Variants in VSIG10L observed in about 807,000 individuals in gnomAD.
VSIG10L encodes the protein V-set and immunoglobulin domain-containing protein 10-like.
In VSIG10L, 63 loss-of-function variants were observed where a neutral mutation model predicts 67.3. The ratio of observed to expected loss-of-function variants is 0.94; its 90% confidence interval spans 0.76 to 1.15. The LOEUF (loss-of-function observed/expected upper bound fraction) is 1.15. VSIG10L is among the 50% of genes most tolerant of loss of function. VSIG10L has a pLI of 0.00. For missense variants in VSIG10L, 1,050 were observed against 1,177.5 expected (o/e 0.89, Z 1.58); for synonymous variants, 499 against 524.9 (o/e 0.95, Z 0.67).
rs11402251 is a variant in VSIG10L at position 51,332,638 on chromosome 19, T to TG, written c.2576dup (p.Gln860ThrfsTer23). 1,551,477 of 1,551,478 alleles carry TG rather than the reference T, an allele frequency of 1. 775,738 individuals carry two copies. The highest frequency in any genetic ancestry group is 1 in the Middle Eastern group (5,990 of 5,990). ...ACAGAGACAACTGAACTGGGGTCTG[T>TG]GCCTGGAAGAGAGAGGTGGGGTGAG... On this transcript the variant is annotated frameshift_variant and splice_region_variant, in exon 10 of 10. Coordinates refer to ENST00000335624, the MANE Select transcript of VSIG10L (RefSeq NM_001163922.3). LOFTEE classifies it low-confidence loss of function (END_TRUNC).
At chr19:51,337,788 C>T in intron 6 of VSIG10L, 142 bp downstream of exon 6, 3 of 1,159,836 alleles carry the variant, frequency 2.6e-6, no homozygotes, top group Non-Finnish European at 3.5e-6. Context: ...GAGGCCTGGA[C>T]TCCAGGGTCT....
chr19:51,333,183 C>T (rs1985397512), intron 9 of VSIG10L, among the ~76,000 whole-genome samples: 2 of 151,642 alleles, frequency 1.3e-5, no homozygotes, highest in Non-Finnish European at 2.9e-5. Context: ...AATGAGGTAA[C>T]TGTACCCCAC....
Position 51,341,463 on chromosome 19 carries a change from C to A in VSIG10L, c.585G>T (p.Val195=). The A allele has an allele frequency of 6.5e-7, 1 of 1,544,862 alleles. No individual in the cohort carries two copies. The change falls in exon 2 of 10, where the codon GTG becomes GTT. Residue 195 remains valine (V), a synonymous_variant. Transcript: ENST00000335624. ...CCACCAGCACAGCGAGTGGGCCCCC[C>A]ACCTGCTGGGGAAAGCTTGCAGCTG... ...THSAASFPQQ[V]GGPLAVLVGT...
rs1226167961 is a variant in VSIG10L, at chr19:51,338,034, C to T, written c.1904G>A (p.Arg635Gln). The T allele has an allele frequency of 1.2e-5, 18 of 1,551,554 alleles. No individual in the cohort carries two copies. Among genetic ancestry groups the T allele is most frequent in the African/African-American group, 1.4e-5 (1 of 73,024 alleles). The change falls in exon 6 of 10, where the codon CGG (arginine) becomes CAG (glutamine). Residue 635 changes from arginine (R) to glutamine (Q), a missense_variant. Physicochemically the swap from Arg to Gln is conservative, Grantham distance 43. Around this residue, in one of 3 missense-constraint regions of VSIG10L, gnomAD observed 529 missense variants for 584.9 expected, o/e 0.90. Transcript: ENST00000335624. ...GSRLRLSQDG[R>Q]KLHIGNFSLD... ...GCTGAAGTTGCCGATGTGGAGTTTCCGCCCATCTTGACTGAGCCGCAGGCG... is the reference window on the plus strand; with the variant it reads ...GCTGAAGTTGCCGATGTGGAGTTTCTGCCCATCTTGACTGAGCCGCAGGCG...
Position 51,337,264 on chromosome 19 carries a change from G to A in VSIG10L, c.2279C>T (p.Pro760Leu). Residue 760 changes from proline to leucine, a missense_variant, in exon 7 of 10, where the codon CCA (proline) becomes CTA (leucine). Physicochemically the swap from Pro to Leu is moderately conservative, Grantham distance 98. Around this residue, in one of 3 missense-constraint regions of VSIG10L, gnomAD observed 529 missense variants for 584.9 expected, o/e 0.90. Transcript: ENST00000335624. ...GGCCCGGTAGACCCGGCTTTGTGAT[G>A]GAGTCCCTGGCTGGCCCCCCAGGAT... ...LPILGGQPGT[P>L]SQSRVYRAGP... is the part of the protein sequence containing the mutation. 1.3e-6 allele frequency: 2 copies of A among 1,549,844 alleles called. No individual in the cohort carries two copies. The highest frequency in any genetic ancestry group is 1.4e-5 in the African/African-American group (1 of 73,104).
intron 8 of VSIG10L, 38 bp downstream of exon 8, chr19:51,334,153 T>G: frequency 6.5e-7 from 1 of 1,546,054 alleles, no homozygotes; most frequent in African/African-American, 1.4e-5. Context: ...TCCCTCCCCG[T>G]TGGTCATGGT....
rs1012103282 is a variant in VSIG10L, at chr19:51,340,578, C to T, written c.1044G>A (p.Ser348=). ...RDGRALEAAE[S]EGAETPRMRS... ...GCATCCGGGGCGTCTCGGCTCCCTCCGATTCCGCCGCCTCCAGGGCGCGTC... is the reference window on the plus strand; with the variant it reads ...GCATCCGGGGCGTCTCGGCTCCCTCTGATTCCGCCGCCTCCAGGGCGCGTC... The change falls in exon 3 of 10, where the codon TCG becomes TCA. Residue 348 remains serine (S), a synonymous_variant. Transcript: ENST00000335624. This position sits in a 1 kb window ranked among gnomAD's most constrained non-coding sequence, Gnocchi z 6.3. 13 of 1,535,350 alleles carry T rather than the reference C, an allele frequency of 8.5e-6. No homozygotes were observed. Among genetic ancestry groups the T allele is most frequent in the Non-Finnish European group, 1.1e-5 (13 of 1,146,226 alleles).
chr19:51,336,059 G>C (rs1985471420), intron 7 of VSIG10L, among the ~76,000 whole-genome samples: 1 of 152,228 alleles, frequency 6.6e-6, no homozygotes, highest in South Asian at 2.1e-4. Context: ...ACTTTGGGGA[G>C]TGAGGACTAA....
At chr19:51,339,727 G>A (rs921970596) in intron 4 of VSIG10L, 1 of 306,292 alleles carries the variant, frequency 3.3e-6, no homozygotes, top group Non-Finnish European at 6.0e-6. Context: ...CCCTCTCAGT[G>A]CTGGGCCGGC....
chr19:51,339,192 C>T (rs1191316846), intron 4 of VSIG10L, 50 bp from the exon 5 acceptor site: 10 of 1,264,848 alleles, frequency 7.9e-6, no homozygotes, highest in Non-Finnish European at 1.0e-5. Context: ...CTCATTTCTT[C>T]TCCAGCCCCG....
Position 51,337,981 on chromosome 19 carries a change from C to T in VSIG10L, c.1957G>A (p.Val653Met), listed in dbSNP as rs1039386421. The change falls in exon 6 of 10, where the codon GTG (valine) becomes ATG (methionine). Residue 653 changes from valine (V) to methionine (M), a missense_variant. Val to Met is a conservative substitution (Grantham distance 21, BLOSUM62 1). This residue lies in a region of VSIG10L where 529 missense variants were observed against 584.9 expected (regional missense o/e 0.90). Transcript: ENST00000335624. The part of the protein sequence containing the change: ...SLDWDLGNYS[V>M]LCSGALGAGG... The stretch of plus-strand genomic sequence containing the variant: ...GCACCCAGCGCCCCACTGCACAGCA[C>T]GGAGTAATTTCCCAGGTCCCAATCC... 22 of 1,551,652 alleles carry T rather than the reference C, an allele frequency of 1.4e-5. No individual in the cohort carries two copies. Among genetic ancestry groups the T allele is most frequent in the Non-Finnish European group, 1.9e-5 (22 of 1,146,958 alleles).
At chr19:51,334,965 A>T (rs1985447662) in intron 7 of VSIG10L, among the ~76,000 whole-genome samples, 1 of 152,162 alleles carries the variant, frequency 6.6e-6, no homozygotes. Flanking sequence ...CAAACAAAAA[A>T]CAAAAAAGGA....
At position 51,342,072 on chromosome 19, in the gene VSIG10L, G is replaced by A. The variant is rs954327303; in HGVS notation, c.40+13C>T. ...GGGAGACTGACAGGGAAGGGACTGA[G>A]CAGGGAACTTACCCAGGAGTAGGAA... On this transcript the variant is annotated intron_variant, in intron 1 of 9. Coordinates refer to ENST00000335624, the MANE Select transcript of VSIG10L (RefSeq NM_001163922.3). The surrounding 1 kb of genome is among the most constrained non-coding windows in gnomAD (Gnocchi z 4.4). The A allele has an allele frequency of 6.4e-6, 10 of 1,551,666 alleles. No homozygotes were observed. In the Admixed American group the frequency reaches 1.8e-4, roughly 27 times the overall value.
At chr19:51,339,566 T>G in intron 4 of VSIG10L, 3 of 210,326 alleles carry the variant, frequency 1.4e-5, no homozygotes, top group Non-Finnish European at 2.8e-5. Context: ...CCTCGCCCCT[T>G]TCCCTGGTGA....
At chr19:51,332,674 A>T (rs1985387135) in intron 9 of VSIG10L, 34 bp from the exon 10 acceptor site, 2 of 1,540,542 alleles carry the variant, frequency 1.3e-6, no homozygotes, top group Non-Finnish European at 1.8e-6. Context: ...GGGAGAACTC[A>T]GTAGGTACTC....
At position 51,338,201 on chromosome 19, in the gene VSIG10L, G is replaced by T; in HGVS notation, c.1737C>A (p.Pro579=). The change falls in exon 6 of 10, where the codon CCC becomes CCA. Residue 579 remains proline, a synonymous_variant. Coordinates refer to ENST00000335624, the MANE Select transcript of VSIG10L (RefSeq NM_001163922.3). ...CCAGCGGATGCAGCAGCACCTCTCGGGGGGCCTCTGCCGGTGGGAGAAGTC... is the reference window on the plus strand; with the variant it reads ...CCAGCGGATGCAGCAGCACCTCTCGTGGGGCCTCTGCCGGTGGGAGAAGTC... ...TRTCTVTPEA[P]REVLLHPLVA... 6.8e-7 allele frequency: 1 copy of T among 1,468,882 alleles called. No homozygotes were observed. 91.0% of individuals were successfully genotyped at this position (1,468,882 alleles called of 1,614,324 possible). A position where few individuals can be genotyped will look rare whatever the true frequency, so the allele number is the denominator to read the frequency against.
At chr19:51,337,786 G>A in intron 6 of VSIG10L, 144 bp downstream of exon 6, 1 of 1,136,172 alleles carries the variant, frequency 8.8e-7, no homozygotes. Context: ...CTGAGGCCTG[G>A]ACTCCAGGGT....
chr19:51,340,303 G>A lies in VSIG10L; in HGVS notation c.1190-4C>T. On this transcript the variant is annotated splice_region_variant and splice_polypyrimidine_tract_variant and intron_variant, in intron 3 of 9. Coordinates refer to ENST00000335624, the MANE Select transcript of VSIG10L (RefSeq NM_001163922.3). This position sits in a 1 kb window ranked among gnomAD's most constrained non-coding sequence, Gnocchi z 6.3. ...ATGGTCGGCGGGTCCGGGCCGTCTGGAGGGAGGAGGGGTCGGGACCGCGAG... is the reference window on the plus strand; with the variant it reads ...ATGGTCGGCGGGTCCGGGCCGTCTGAAGGGAGGAGGGGTCGGGACCGCGAG... 1 of 1,513,710 alleles carries A rather than the reference G, an allele frequency of 6.6e-7. No individual in the cohort carries two copies. Among genetic ancestry groups the A allele is most frequent in the Non-Finnish European group, 8.8e-7 (1 of 1,136,656 alleles). The allele number at this position is 1,513,710 out of a possible 1,614,324, so 93.8% of individuals were successfully genotyped here. A position where few individuals can be genotyped will look rare whatever the true frequency, so the allele number is the denominator to read the frequency against.
intron 5 of VSIG10L, among the ~76,000 whole-genome samples, chr19:51,338,535 C>G (rs1452526368): frequency 6.6e-6 from 1 of 152,062 alleles, no homozygotes; most frequent in African/African-American, 2.4e-5. Context: ...GCCACACTGC[C>G]CAGGCTGGTC....
Sources: allele counts gnomAD v4.1 joint callset (sites outside exome capture counted in the v4.1 genomes callset), GRCh38; gene constraint gnomAD v4.1.1; regional missense constraint gnomAD v4.1.1; non-coding constraint Gnocchi (gnomAD v3.1); transcripts MANE v1.5; gene names NCBI Gene and HGNC (gene_info 2026-07-23, HGNC 2026-07-21).